SLC38A1: variants seen among roughly 807,000 people sequenced by gnomAD.
SLC38A1 encodes the protein solute carrier family 38 member 1.
Under a neutral mutation model 60.3 loss-of-function variants are expected in SLC38A1, and 18 were observed. That is an observed-to-expected ratio of 0.30 (90% CI 0.21 to 0.44). The LOEUF (loss-of-function observed/expected upper bound fraction) is 0.44. SLC38A1 is among the 20% of genes least tolerant of loss of function. The pLI, the probability that SLC38A1 is intolerant of heterozygous loss-of-function variation, is 1.00. For missense variants in SLC38A1, 448 were observed against 587.2 expected, an observed-to-expected ratio of 0.76 and a Z score of 2.45; for synonymous variants, 196 against 212.1, an observed-to-expected ratio of 0.92 and a Z score of 0.66.
intron 13 of SLC38A1, 35 bp downstream of exon 13, chr12:46,201,063 A>G (rs1156786695): frequency 1.4e-6 from 2 of 1,400,294 alleles, no homozygotes; most frequent in Non-Finnish European, 2.0e-6. Flanking sequence ...TTGTTTACAA[A>G]TATTTATATT....
intron 1 of SLC38A1, among the ~76,000 whole-genome samples, chr12:46,251,958 T>C (rs941363270): frequency 6.6e-6 from 1 of 152,120 alleles, no homozygotes; most frequent in African/African-American, 2.4e-5. Context: ...GAACCAGAAA[T>C]ACCATTTGAC....
rs1942424013 is a variant in SLC38A1 at position 46,268,185 on chromosome 12, T to G, written c.-209+341A>C. On this transcript the variant is annotated intron_variant, in intron 1 of 16. Transcript: ENST00000398637. The surrounding 1 kb of genome is among the most constrained non-coding windows in gnomAD (Gnocchi z 4.4). ...TCTCCCTCCAGACGTGCGTGGTTCC[T>G]GGCTCTCGTAAAAATGGAACCAGAT... 1.3e-5 allele frequency among the ~76,000 whole-genome samples: 2 copies of G among 152,210 alleles called. No homozygotes were observed. Among genetic ancestry groups the G allele is most frequent in the African/African-American group, 4.8e-5 (2 of 41,450 alleles).
At chr12:46,197,648 G>A (rs955033771) in intron 16 of SLC38A1, 72 bp downstream of exon 16, 3 of 975,850 alleles carry the variant, frequency 3.1e-6, no homozygotes, top group African/African-American at 3.3e-5. Context: ...TGATAGAGAG[G>A]TGGACTATTT....
At chr12:46,218,659 T>C (rs1157561190) in intron 5 of SLC38A1, among the ~76,000 whole-genome samples, 1 of 152,046 alleles carries the variant, frequency 6.6e-6, no homozygotes, top group Non-Finnish European at 1.5e-5. Context: ...GACAGGGGAA[T>C]TGCAATGGAG....
chr12:46,197,602 G>C, intron 16 of SLC38A1, 118 bp downstream of exon 16: 1 of 719,660 alleles, frequency 1.4e-6, no homozygotes. Flanking sequence ...AAGCTACAGG[G>C]CTTCTGCCTC....
chr12:46,204,197 C>A, intron 11 of SLC38A1, 104 bp downstream of exon 11: 1 of 757,028 alleles, frequency 1.3e-6, no homozygotes, highest in Non-Finnish European at 2.4e-6. Flanking sequence ...ATCATGTGTT[C>A]TTTTGAGAAC....
chr12:46,232,051 T>C (rs536834915), intron 3 of SLC38A1, among the ~76,000 whole-genome samples: 17 of 152,340 alleles, frequency 1.1e-4, no homozygotes, highest in African/African-American at 4.1e-4. Flanking sequence ...AGGCATTATT[T>C]CTCCAAGTTT....
At chr12:46,263,102 AAAAAT>A (rs2139046173) in intron 1 of SLC38A1, among the ~76,000 whole-genome samples, 1 of 152,336 alleles carries the variant, frequency 6.6e-6, no homozygotes, top group African/African-American at 2.4e-5. Context: ...GGAGCTTTAA[AAAAAT>A]AAAAGTGATA....
intron 1 of SLC38A1, among the ~76,000 whole-genome samples, chr12:46,257,060 C>T (rs1053133525): frequency 5.9e-5 from 9 of 152,144 alleles, no homozygotes; most frequent in Non-Finnish European, 1.0e-4. Context: ...AAAAGACCCA[C>T]CCATTGCAGC....
At chr12:46,237,038 G>A (rs540202576) in intron 3 of SLC38A1, among the ~76,000 whole-genome samples, 10 of 152,132 alleles carry the variant, frequency 6.6e-5, no homozygotes, top group Non-Finnish European at 1.5e-4. Context: ...ATGCTCAAAT[G>A]ACTCCACTTT....
At chr12:46,235,148 T>C (rs911515384) in intron 3 of SLC38A1, among the ~76,000 whole-genome samples, 39 of 152,266 alleles carry the variant, frequency 2.6e-4, no homozygotes, top group African/African-American at 8.4e-4. Flanking sequence ...AGGTACATTG[T>C]GAAGAGAGGC....
chr12:46,248,176 C>T (rs915656348), intron 1 of SLC38A1, among the ~76,000 whole-genome samples: 1 of 152,212 alleles, frequency 6.6e-6, no homozygotes, highest in African/African-American at 2.4e-5. Flanking sequence ...ATCAAACTCA[C>T]ACATAACAAT....
chr12:46,245,211 G>A (rs908380718), intron 1 of SLC38A1, among the ~76,000 whole-genome samples: 6 of 152,096 alleles, frequency 3.9e-5, no homozygotes, highest in African/African-American at 1.4e-4. Flanking sequence ...AATCATCATT[G>A]GTTTTTTATT....
intron 3 of SLC38A1, among the ~76,000 whole-genome samples, chr12:46,233,528 C>T (rs1387287926): frequency 6.6e-6 from 1 of 152,132 alleles, no homozygotes; most frequent in Non-Finnish European, 1.5e-5. Flanking sequence ...TGGTAACACT[C>T]CCCTGGGTTG....
chr12:46,204,283 A>G lies in SLC38A1; in HGVS notation c.822+18T>C. 1.4e-6 allele frequency: 2 copies of G among 1,468,844 alleles called. No homozygotes were observed. The highest frequency in any genetic ancestry group is 1.9e-6 in the Non-Finnish European group (2 of 1,048,054). 91.0% of individuals were successfully genotyped at this position (1,468,844 alleles called of 1,614,324 possible). The stretch of plus-strand genomic sequence containing the variant: ...AATAAAAATGCTTGTTTCATCTGCA[A>G]AGGATCAGGAAACTTACCTTTGAAT... On this transcript the variant is annotated intron_variant, in intron 11 of 16. Coordinates refer to ENST00000398637, the MANE Select transcript of SLC38A1 (RefSeq NM_030674.4).
intron 3 of SLC38A1, among the ~76,000 whole-genome samples, chr12:46,233,995 G>A (rs1482187865): frequency 1.3e-5 from 2 of 152,210 alleles, no homozygotes; most frequent in African/African-American, 4.8e-5. Flanking sequence ...TGAGAGCAGA[G>A]AATGAAAAAC....
chr12:46,192,741 T>C (rs1228519075), intron 16 of SLC38A1, among the ~76,000 whole-genome samples: 3 of 152,202 alleles, frequency 2.0e-5, no homozygotes, highest in Non-Finnish European at 2.9e-5. Context: ...TAGTATTCTC[T>C]GATGGTAGTT....
chr12:46,233,065 C>T (rs1256138242), intron 3 of SLC38A1, among the ~76,000 whole-genome samples: 2 of 152,084 alleles, frequency 1.3e-5, no homozygotes, highest in Admixed American at 6.6e-5. Flanking sequence ...GCTGCCCAAG[C>T]TGGAGTGCAG....
intron 3 of SLC38A1, among the ~76,000 whole-genome samples, chr12:46,233,539 G>A (rs1468137132): frequency 6.6e-6 from 1 of 152,186 alleles, no homozygotes. Flanking sequence ...CCCTGGGTTG[G>A]TAGCAAAGCA....
Sources: gnomAD v4.1 joint callset for allele counts (sites outside exome capture counted in the v4.1 genomes callset) on GRCh38, gnomAD v4.1.1 for gene constraint, Gnocchi (gnomAD v3.1) non-coding constraint, MANE v1.5 for transcripts, NCBI Gene and HGNC (gene_info 2026-07-23, HGNC 2026-07-21) for gene names.